IMMT: variants seen among roughly 807,000 people sequenced by gnomAD.
IMMT encodes inner membrane mitochondrial protein.
Under a neutral mutation model 92.7 loss-of-function variants are expected in IMMT, and 40 were observed. That is an observed-to-expected ratio of 0.43 (90% confidence interval 0.34 to 0.56). IMMT has a LOEUF of 0.56. IMMT is among the 20% of genes least tolerant of loss of function. IMMT has a pLI of 0.03. For synonymous variants in IMMT, 322 were observed against 336.1 expected (o/e 0.96, Z 0.46); for missense variants, 831 against 912.1 (o/e 0.91, Z 1.14).
Position 86,179,319 on chromosome 2 carries a change from G to A in IMMT, c.309+114C>T, listed in dbSNP as rs373922668. 8.7e-6 allele frequency: 7 copies of A among 806,922 alleles called. No individual in the cohort carries two copies. The Admixed American group carries it at 9.6e-5, about 11-fold the overall frequency. 50.0% of individuals were successfully genotyped at this position (806,922 alleles called of 1,614,324 possible). On this transcript the variant is annotated intron_variant, in intron 3 of 14. Transcript: ENST00000410111. ...CCATGGGATTTTTGTATCCACAGGA[G>A]GTCCTGAACCTCTCCTTCAAGAATA...
At chr2:86,178,307 G>T (rs1407227598) in intron 3 of IMMT, among the ~76,000 whole-genome samples, 1 of 112,248 alleles carries the variant, frequency 8.9e-6, no homozygotes, top group African/African-American at 3.6e-5. Context: ...GACACAGCAA[G>T]ACTCCATCTC....
intron 1 of IMMT, chr2:86,194,805 T>C (rs1673412055): frequency 6.0e-6 from 1 of 167,186 alleles, no homozygotes; most frequent in Admixed American, 6.5e-5. Context: ...TCTTTCGCTT[T>C]TGTTTGGATT....
chr2:86,194,653 C>G (rs1673402527), intron 1 of IMMT, among the ~76,000 whole-genome samples: 1 of 152,096 alleles, frequency 6.6e-6, no homozygotes, highest in Non-Finnish European at 1.5e-5. Context: ...CTAGAAGTAA[C>G]TGGGTATTTA....
At chr2:86,185,485 A>G (rs761541296) in intron 1 of IMMT, among the ~76,000 whole-genome samples, 2 of 152,212 alleles carry the variant, frequency 1.3e-5, no homozygotes, top group African/African-American at 2.4e-5. Flanking sequence ...GAGTCTTTTT[A>G]CCTTGAGGAA....
chr2:86,162,818 TG>T (rs1322980430), intron 7 of IMMT, among the ~76,000 whole-genome samples: 1 of 152,170 alleles, frequency 6.6e-6, no homozygotes, highest in Non-Finnish European at 1.5e-5. Context: ...CACTCCAGCC[TG>T]GCGACAGAGA....
intron 1 of IMMT, among the ~76,000 whole-genome samples, chr2:86,188,412 C>T (rs958380287): frequency 2.0e-5 from 3 of 152,094 alleles, no homozygotes; most frequent in South Asian, 2.1e-4. Flanking sequence ...CACACACACA[C>T]GCACACAAAT....
rs776266830 is a variant in IMMT at position 86,147,739 on chromosome 2, C to T, written c.1496G>A (p.Arg499Lys). ...AHTDHLRDVL[R>K]VQEQELKSEF... ...AGACTTCAATTCCTGTTCTTGTACC[C>T]TAAGGACATCTCGCAAGTGATCAGT... is the stretch of plus-strand genomic sequence containing the variant. The change falls in exon 13 of 15, where the codon AGG becomes AAG. Residue 499 changes from arginine (R) to lysine (K), a missense_variant. Transcript: ENST00000410111. 1.2e-6 allele frequency: 2 copies of T among 1,613,870 alleles called. No individual in the cohort carries two copies. Among genetic ancestry groups the T allele is most frequent in the Admixed American group, 3.3e-5 (2 of 60,002 alleles).
chr2:86,147,944 C>A, intron 12 of IMMT, 111 bp from the exon 13 acceptor site: 1 of 991,064 alleles, frequency 1.0e-6, no homozygotes, highest in Non-Finnish European at 1.5e-6. Flanking sequence ...ATCCTGAACG[C>A]CTCTAATGTG....
rs370703728 is a variant in IMMT at position 86,166,721 on chromosome 2, C to T, written c.656-77G>A. The stretch of plus-strand genomic sequence containing the variant: ...CTTTAAACTTTTGCTGTTCTCCTAT[C>T]TAGTCTTCCATTGCATTTCCCAAAA... On this transcript the variant is annotated intron_variant, in intron 6 of 14. Transcript: ENST00000410111. 4.3e-5 allele frequency: 58 copies of T among 1,360,954 alleles called. No individual in the cohort carries two copies. The African/African-American group carries it at 8.1e-4, about 19-fold the overall frequency. The allele number at this position is 1,360,954 out of a possible 1,614,324, so 84.3% of individuals were successfully genotyped here.
chr2:86,164,433 T>TA (rs1676520932), intron 7 of IMMT, among the ~76,000 whole-genome samples: 1 of 151,716 alleles, frequency 6.6e-6, no homozygotes, highest in Non-Finnish European at 1.5e-5. Flanking sequence ...CTTACGCCTA[T>TA]AATCCCAGCA....
At chr2:86,163,234 C>G (rs952807810) in intron 7 of IMMT, among the ~76,000 whole-genome samples, 1 of 152,118 alleles carries the variant, frequency 6.6e-6, no homozygotes, top group Non-Finnish European at 1.5e-5. Flanking sequence ...GTGGGAGGAT[C>G]ATTTGAGCCT....
At position 86,191,163 on chromosome 2, in the gene IMMT, T is replaced by C. The variant is rs114990726; in HGVS notation, c.45+4175A>G. Among the ~76,000 whole-genome samples the C allele has an allele frequency of 7.7e-3, 1,169 of 151,352 alleles. 21 individuals carry two copies. The highest frequency in any genetic ancestry group is 0.026 in the African/African-American group (1,069 of 41,218). On this transcript the variant is annotated intron_variant, in intron 1 of 14. Coordinates refer to ENST00000410111, the MANE Select transcript of IMMT (RefSeq NM_006839.3). The stretch of plus-strand genomic sequence containing the variant: ...GAGTTTGAGACCAGCCTGGGTAATA[T>C]AGCCTGTCTCTACAGAAAAAAAAAT...
intron 12 of IMMT, among the ~76,000 whole-genome samples, chr2:86,148,581 C>T (rs767773018): frequency 2.0e-5 from 3 of 152,126 alleles, no homozygotes; most frequent in Non-Finnish European, 4.4e-5. Context: ...TGCTGCACTC[C>T]AGCCTGGGCG....
chr2:86,169,598 A>G (rs1336792806), intron 6 of IMMT, among the ~76,000 whole-genome samples: 1 of 152,176 alleles, frequency 6.6e-6, no homozygotes, highest in Non-Finnish European at 1.5e-5. Flanking sequence ...ACATCCCACG[A>G]CCTCCAGAGA....
chr2:86,147,880 T>C (rs771968010), intron 12 of IMMT, 47 bp from the exon 13 acceptor site: 86 of 1,585,634 alleles, frequency 5.4e-5, no homozygotes, highest in Admixed American at 1.0e-4. Flanking sequence ...TCTCCACATA[T>C]ACTTTTAGGA....
intron 8 of IMMT, 200 bp from the exon 9 acceptor site, chr2:86,159,871 T>C (rs1676142181): frequency 5.3e-6 from 2 of 378,104 alleles, no homozygotes; most frequent in South Asian, 1.3e-4. Flanking sequence ...CTGGACAACA[T>C]AGGGAAACCA....
intron 1 of IMMT, among the ~76,000 whole-genome samples, chr2:86,185,216 C>G (rs563843094): frequency 6.6e-6 from 1 of 151,446 alleles, no homozygotes; most frequent in African/African-American, 2.4e-5. Flanking sequence ...TCATCACAAG[C>G]GCTAACTGGT....
chr2:86,191,744 A>C (rs1229892344), intron 1 of IMMT, among the ~76,000 whole-genome samples: 42 of 82,356 alleles, frequency 5.1e-4, no homozygotes, highest in Admixed American at 4.5e-3. Context: ...TCTACTAAAA[A>C]TACAAAAAAA....
intron 12 of IMMT, 21 bp downstream of exon 12, chr2:86,151,276 A>G: frequency 6.4e-7 from 1 of 1,567,494 alleles, no homozygotes; most frequent in Non-Finnish European, 8.8e-7. Flanking sequence ...AATGTTAGGC[A>G]ACAATTCTCA....
Sources: allele counts gnomAD v4.1 joint callset (sites outside exome capture counted in the v4.1 genomes callset), GRCh38; gene constraint gnomAD v4.1.1; transcripts MANE v1.5; gene names NCBI Gene and HGNC (gene_info 2026-07-23, HGNC 2026-07-21).